MATN2: variants seen among roughly 807,000 people sequenced by gnomAD.
MATN2 encodes the protein matrilin-2.
Under a neutral mutation model 103.2 loss-of-function variants are expected in MATN2, and 69 were observed. The observed-to-expected ratio is 0.67, with a 90% CI of 0.55 to 0.82. MATN2 has a LOEUF of 0.82. Ranked by LOEUF, MATN2 falls within the 40% of genes least tolerant of loss-of-function variation. The pLI, the probability that MATN2 is intolerant of heterozygous loss-of-function variation, is 0.00. For synonymous variants in MATN2, 429 were observed against 450.2 expected (o/e 0.95, Z 0.60); for missense variants, 1,023 against 1,211.5 (o/e 0.84, Z 2.31).
Position 97,994,508 on chromosome 8 carries a change from C to T in MATN2, c.1110C>T (p.His370=), listed in dbSNP as rs11559202. 249,621 of 1,610,568 alleles carry T rather than the reference C, an allele frequency of 0.15. 20,322 individuals are homozygous for T. Among genetic ancestry groups the T allele is most frequent in the Middle Eastern group, 0.21 (1,279 of 6,056 alleles). Residue 370 remains histidine, a synonymous_variant, in exon 7 of 19, where the codon CAC becomes CAT. Transcript: ENST00000254898. ...TKIDYCASSN[H]GCQHECVNTD... ...TAGACTACTGTGCCTCATCTAATCACGGATGTCAGCACGAGTGTGTTAACA... is the reference window on the plus strand; with the variant it reads ...TAGACTACTGTGCCTCATCTAATCATGGATGTCAGCACGAGTGTGTTAACA...
chr8:97,912,809 A>G (rs1252343975), intron 2 of MATN2, among the ~76,000 whole-genome samples: 1 of 152,188 alleles, frequency 6.6e-6, no homozygotes, highest in Non-Finnish European at 1.5e-5. Context: ...GTGAGGCATC[A>G]AAGAGGCCAA....
At chr8:97,992,392 T>C (rs1376508499) in intron 6 of MATN2, among the ~76,000 whole-genome samples, 1 of 152,190 alleles carries the variant, frequency 6.6e-6, no homozygotes, top group Non-Finnish European at 1.5e-5. Context: ...ATTACAATTA[T>C]ATTGTTTATA....
chr8:97,915,753 G>A (rs1809605965), intron 2 of MATN2, among the ~76,000 whole-genome samples: 1 of 152,218 alleles, frequency 6.6e-6, no homozygotes, highest in South Asian at 2.1e-4. Flanking sequence ...TCAAATGCCA[G>A]CTTGCTTTTT....
intron 4 of MATN2, among the ~76,000 whole-genome samples, chr8:97,952,961 C>A (rs1811011345): frequency 8.3e-6 from 1 of 120,252 alleles, no homozygotes; most frequent in South Asian, 2.7e-4. Flanking sequence ...CTCGCTCTGT[C>A]TCCCAGGCTG....
chr8:97,877,858 C>G (rs1471827144), intron 1 of MATN2, among the ~76,000 whole-genome samples: 1 of 152,202 alleles, frequency 6.6e-6, no homozygotes, highest in East Asian at 1.9e-4. Context: ...TTCAAGAAGT[C>G]TGGAGACAGT....
intron 17 of MATN2, 33 bp from the exon 18 acceptor site, chr8:98,033,528 C>G: frequency 8.3e-7 from 1 of 1,202,602 alleles, no homozygotes; most frequent in East Asian, 2.4e-5. Flanking sequence ...CTGGTGGATT[C>G]TAGAGGTGAA....
At chr8:97,974,141 A>T (rs114950577) in intron 5 of MATN2, among the ~76,000 whole-genome samples, 1,617 of 151,930 alleles carry the variant, frequency 0.011, 27 homozygotes, top group African/African-American at 0.037. Flanking sequence ...TTTTTATTTT[A>T]TTTATTTATT....
At chr8:97,875,975 G>A (rs1026451479) in intron 1 of MATN2, among the ~76,000 whole-genome samples, 4 of 150,870 alleles carry the variant, frequency 2.7e-5, no homozygotes, top group Non-Finnish European at 4.4e-5. Flanking sequence ...GATTACAGGC[G>A]TGAGCCACTG....
chr8:97,943,576 C>A (rs146248549), intron 4 of MATN2, among the ~76,000 whole-genome samples: 1 of 152,092 alleles, frequency 6.6e-6, no homozygotes, highest in African/African-American at 2.4e-5. Context: ...CGGGTTCAAG[C>A]AGTCCTCCCA....
At chr8:98,008,413 G>C (rs1272469214) in intron 10 of MATN2, among the ~76,000 whole-genome samples, 1 of 152,296 alleles carries the variant, frequency 6.6e-6, no homozygotes, top group African/African-American at 2.4e-5. Context: ...CCAGCCTGCT[G>C]GTCTTTCTGG....
At chr8:97,971,732 C>G (rs538582631) in intron 5 of MATN2, among the ~76,000 whole-genome samples, 7 of 152,200 alleles carry the variant, frequency 4.6e-5, no homozygotes, top group South Asian at 4.2e-4. Flanking sequence ...ATTGTAAACC[C>G]TTGAGGGCAA....
chr8:98,012,513 G>T (rs925638515), intron 10 of MATN2, among the ~76,000 whole-genome samples: 1 of 152,150 alleles, frequency 6.6e-6, no homozygotes, highest in Non-Finnish European at 1.5e-5. Context: ...TTCACTAGGG[G>T]CCAGAGAGCG....
rs376715058 is a variant in MATN2, at chr8:97,888,139, C to T, written c.39C>T (p.Leu13=). 9 of 1,609,396 alleles carry T rather than the reference C, an allele frequency of 5.6e-6. No individual in the cohort carries two copies. The highest frequency in any genetic ancestry group is 3.4e-5 in the Admixed American group (2 of 59,032). Residue 13 remains leucine (L), a synonymous_variant, in exon 2 of 19, where the codon CTC becomes CTT. Coordinates refer to ENST00000254898, the MANE Select transcript of MATN2 (RefSeq NM_002380.5). ...KMLAGCFLLI[L]GQIVLLPAEA... ...TCGCAGGCTGCTTTCTGCTGATCCT[C>T]GGACAGATCGTCCTCCTCCCTGCCG...
chr8:97,981,092 A>G (rs1035511810), intron 6 of MATN2, among the ~76,000 whole-genome samples: 3 of 151,768 alleles, frequency 2.0e-5, no homozygotes, highest in African/African-American at 7.3e-5. Flanking sequence ...TCAGGTGGGA[A>G]GATCACTAGT....
chr8:97,929,092 T>C (rs144624294), intron 2 of MATN2, among the ~76,000 whole-genome samples: 25 of 152,114 alleles, frequency 1.6e-4, no homozygotes, highest in African/African-American at 6.0e-4. Flanking sequence ...GGGTTATGCA[T>C]GGGTATGTCA....
At chr8:97,944,959 C>T (rs1385112513) in intron 4 of MATN2, among the ~76,000 whole-genome samples, 1 of 152,224 alleles carries the variant, frequency 6.6e-6, no homozygotes, top group Admixed American at 6.5e-5. Flanking sequence ...GCCATTCATT[C>T]TTCCATACAA....
intron 1 of MATN2, among the ~76,000 whole-genome samples, chr8:97,881,991 G>T (rs1256828525): frequency 1.6e-5 from 2 of 121,420 alleles, no homozygotes; most frequent in Non-Finnish European, 3.2e-5. Context: ...GTGTGATCTT[G>T]GCTCACTGCA....
At chr8:97,892,058 G>A (rs3923483) in intron 2 of MATN2, among the ~76,000 whole-genome samples, 56,710 of 151,802 alleles carry the variant, frequency 0.37, 12,600 homozygotes, top group Non-Finnish European at 0.49. Context: ...CCAACATGGT[G>A]AAAAACTGTC....
At chr8:97,945,717 A>AAAAAT (rs59472539) in intron 4 of MATN2, among the ~76,000 whole-genome samples, 7,851 of 121,612 alleles carry the variant, frequency 0.065, 331 homozygotes, top group Middle Eastern at 0.08. Context: ...AAAAAAAAAA[A>AAAAAT]ATATATATAT....
Sources: gnomAD v4.1 joint callset for allele counts (sites outside exome capture counted in the v4.1 genomes callset) on GRCh38, gnomAD v4.1.1 for gene constraint, MANE v1.5 for transcripts, NCBI Gene and HGNC (gene_info 2026-07-23, HGNC 2026-07-21) for gene names.